The following MYRIP variants were observed in gnomAD, a reference collection of about 807,000 sequenced individuals.
The protein encoded by MYRIP is rab effector MyRIP.
In MYRIP, 49 loss-of-function variants were observed where a neutral mutation model predicts 98.0. The observed-to-expected ratio is 0.50, with a 90% confidence interval of 0.40 to 0.63. The LOEUF is 0.63. Ranked by LOEUF, MYRIP falls within the 30% of genes least tolerant of loss-of-function variation. MYRIP has a pLI of 0.00. For missense variants in MYRIP, 1,004 were observed against 1,058.2 expected (o/e 0.95, Z 0.71); for synonymous variants, 404 against 409.5 (o/e 0.99, Z 0.16).
At chr3:40,209,783 G>T in intron 10 of MYRIP, 71 bp from the exon 11 acceptor site, 2 of 1,588,764 alleles carry the variant, frequency 1.3e-6, no homozygotes, top group Admixed American at 3.5e-5. Flanking sequence ...TTACTCAGGG[G>T]TTATTGGGAA....
intron 3 of MYRIP, among the ~76,000 whole-genome samples, chr3:40,046,717 G>A (rs536414263): frequency 2.0e-4 from 31 of 151,824 alleles, no homozygotes; most frequent in African/African-American, 6.8e-4. Flanking sequence ...GGGTCAGTTT[G>A]TGTGAAGAAT....
At chr3:39,920,516 C>A (rs1944281511) in intron 2 of MYRIP, among the ~76,000 whole-genome samples, 1 of 152,096 alleles carries the variant, frequency 6.6e-6, no homozygotes, top group African/African-American at 2.4e-5. Flanking sequence ...TCTCAGATGT[C>A]TTTTATTTAG....
chr3:40,256,046 C>T (rs34340980), intron 16 of MYRIP, among the ~76,000 whole-genome samples: 6,281 of 152,268 alleles, frequency 0.041, 139 homozygotes, highest in South Asian at 0.057. Flanking sequence ...GTGACCAGTA[C>T]AGTGGCCACT....
In MYRIP at chr3:40,151,113, G is replaced by A. The variant is rs1950108616; in HGVS notation, c.398G>A (p.Gly133Asp). Residue 133 changes from glycine to aspartate, a missense_variant, in exon 4 of 17, where the codon GGC (glycine) becomes GAC (aspartate). By Grantham distance (94) the Gly-to-Asp change is moderately conservative (BLOSUM62 -1). Around this residue, in one of 3 missense-constraint regions of MYRIP, gnomAD observed 880 missense variants for 907.7 expected, o/e 0.97. Transcript: ENST00000302541. Reference protein sequence around the residue: ...NNVKSRFKRFGSAKVLKNLYR... With the variant: ...NNVKSRFKRFDSAKVLKNLYR... ...GTGAAGAGCCGCTTCAAGCGCTTTG[G>A]CAGTGCCAAGGTTCTGAAGAACCTG... 1 of 1,610,956 alleles carries A rather than the reference G, an allele frequency of 6.2e-7. No individual in the cohort carries two copies. Among genetic ancestry groups the A allele is most frequent in the Non-Finnish European group, 8.5e-7 (1 of 1,178,524 alleles).
chr3:39,880,000 A>G (rs1199796971), intron 1 of MYRIP, among the ~76,000 whole-genome samples: 2 of 152,158 alleles, frequency 1.3e-5, no homozygotes, highest in East Asian at 3.8e-4. Context: ...AAGAAGCCTT[A>G]TAAATATGGA....
chr3:40,199,503 G>A (rs1951493029), intron 10 of MYRIP, among the ~76,000 whole-genome samples: 3 of 152,134 alleles, frequency 2.0e-5, no homozygotes, highest in Admixed American at 2.0e-4. Context: ...TGCTTGTGAG[G>A]CATGCATGTT....
At chr3:39,919,383 T>C (rs1226759877) in intron 2 of MYRIP, among the ~76,000 whole-genome samples, 1 of 152,206 alleles carries the variant, frequency 6.6e-6, no homozygotes, top group Non-Finnish European at 1.5e-5. Flanking sequence ...CTTTGGCTTG[T>C]CTCCCTTCTT....
intron 3 of MYRIP, among the ~76,000 whole-genome samples, chr3:40,094,396 A>G (rs950268111): frequency 5.9e-5 from 9 of 152,234 alleles, no homozygotes; most frequent in Non-Finnish European, 8.8e-5. Context: ...TTATTACACC[A>G]TGGCACCTCC....
intron 4 of MYRIP, among the ~76,000 whole-genome samples, chr3:40,152,737 G>T (rs1185163163): frequency 2.0e-5 from 3 of 152,178 alleles, no homozygotes; most frequent in Non-Finnish European, 2.9e-5. Flanking sequence ...ATATGCAGGT[G>T]GTAGCTTGTT....
At chr3:40,213,271 G>A (rs1481261915) in intron 11 of MYRIP, among the ~76,000 whole-genome samples, 1 of 152,192 alleles carries the variant, frequency 6.6e-6, no homozygotes, top group Non-Finnish European at 1.5e-5. Context: ...GTAAAATGGG[G>A]ATAATCATAA....
chr3:40,130,021 GT>G (rs1441764255), intron 3 of MYRIP, among the ~76,000 whole-genome samples: 1 of 152,136 alleles, frequency 6.6e-6, no homozygotes, highest in East Asian at 1.9e-4. Flanking sequence ...TGTTAAGTAG[GT>G]TTTTTTAGGG....
At chr3:40,105,045 T>C (rs1349985883) in intron 3 of MYRIP, among the ~76,000 whole-genome samples, 1 of 152,184 alleles carries the variant, frequency 6.6e-6, no homozygotes, top group Non-Finnish European at 1.5e-5. Context: ...AGGATGTATA[T>C]CTATGTAGGT....
rs866632802 is a variant in MYRIP at position 40,034,122 on chromosome 3, G to A, written c.111-9928G>A. Among the ~76,000 whole-genome samples, 12 of 152,016 alleles carry A rather than the reference G, an allele frequency of 7.9e-5. 1 individual carries two copies. In the South Asian group the frequency reaches 2.5e-3, roughly 32 times the overall value. On this transcript the variant is annotated intron_variant, in intron 2 of 16. Coordinates refer to ENST00000302541, the MANE Select transcript of MYRIP (RefSeq NM_015460.4). ...TAGACCTAAAACCATAAAAACCCTA[G>A]AAGAAAACCTAGGCATTACTATTCA...
intron 2 of MYRIP, among the ~76,000 whole-genome samples, chr3:39,932,368 C>CTT (rs11371199): frequency 2.7e-5 from 4 of 149,046 alleles, no homozygotes; most frequent in African/African-American, 9.8e-5. Flanking sequence ...CAAAATGAGT[C>CTT]TTTTTTTTTT....
At position 40,259,058 on chromosome 3, in the gene MYRIP, G is replaced by A. The variant is rs1009496836; in HGVS notation, c.*892G>A. On this transcript the variant is annotated 3_prime_UTR_variant, in exon 17 of 17. Coordinates refer to ENST00000302541, the MANE Select transcript of MYRIP (RefSeq NM_015460.4). The stretch of plus-strand genomic sequence containing the variant: ...ATTATCGCAGAGAAAAACCACATGA[G>A]AAAATTTTTGTACTCCAAATTTACT... The A allele has an allele frequency of 2.1e-4, 30 of 144,536 alleles. No homozygotes were observed. Among genetic ancestry groups the A allele is most frequent in the African/African-American group, 8.5e-4 (29 of 34,298 alleles). 9.0% of individuals were successfully genotyped at this position (144,536 alleles called of 1,614,324 possible). A position where few individuals can be genotyped will look rare whatever the true frequency, so the allele number is the denominator to read the frequency against.
intron 2 of MYRIP, among the ~76,000 whole-genome samples, chr3:39,920,748 C>T (rs901140839): frequency 6.6e-6 from 1 of 152,206 alleles, no homozygotes; most frequent in African/African-American, 2.4e-5. Flanking sequence ...TTTGCAGCTA[C>T]TGAGAATGTT....
intron 3 of MYRIP, among the ~76,000 whole-genome samples, chr3:40,104,003 C>A (rs905712710): frequency 6.6e-6 from 1 of 152,110 alleles, no homozygotes; most frequent in African/African-American, 2.4e-5. Context: ...AATTTTGTAA[C>A]TACTTTTATG....
At chr3:39,971,761 A>T (rs1173598454) in intron 2 of MYRIP, among the ~76,000 whole-genome samples, 1 of 152,072 alleles carries the variant, frequency 6.6e-6, no homozygotes, top group Admixed American at 6.6e-5. Context: ...TTTGAATTAA[A>T]TTCTTATTTA....
chr3:39,978,998 G>A (rs997202100), intron 2 of MYRIP, among the ~76,000 whole-genome samples: 1 of 152,132 alleles, frequency 6.6e-6, no homozygotes, highest in Admixed American at 6.5e-5. Flanking sequence ...AGGTGGAGAA[G>A]CCCATCTGTA....
Sources: gnomAD v4.1 joint callset for allele counts (sites outside exome capture counted in the v4.1 genomes callset) on GRCh38, gnomAD v4.1.1 for gene constraint, gnomAD v4.1.1 regional missense constraint, MANE v1.5 for transcripts, NCBI Gene and HGNC (gene_info 2026-07-23, HGNC 2026-07-21) for gene names.